NAA38: variants seen among roughly 807,000 people sequenced by gnomAD.
NAA38 encodes the protein N-alpha-acetyltransferase 38, NatC auxiliary subunit, also known as LSM domain containing 1.
A neutral mutation model predicts 12.6 loss-of-function variants in NAA38; 15 were observed. The observed-to-expected ratio is 1.19, with a 90% CI of 0.79 to 1.83. The LOEUF (loss-of-function observed/expected upper bound fraction) is 1.83, where lower values mean the gene tolerates loss of function less well. NAA38 is among the 40% of genes most tolerant of loss of function. The pLI is 0.00. For synonymous variants in NAA38, 88 were observed against 69.9 expected, an observed-to-expected ratio of 1.26 and a Z score of -1.29; for missense variants, 183 against 171.7, an observed-to-expected ratio of 1.07 and a Z score of -0.37.
At chr17:7,857,832 A>G (rs1052271115), upstream of NAA38, 2 of 1,352,102 alleles carry the variant, frequency 1.5e-6, no homozygotes, top group Admixed American at 6.2e-5. Context: ...ACTGAATTAA[A>G]ACGGAGCGTA....
chr17:7,865,156 A>C (rs1328228158), intron 3 of NAA38: 3 of 152,244 alleles, frequency 2.0e-5, no homozygotes, highest in Non-Finnish European at 4.4e-5. Flanking sequence ...GGAGATGCTC[A>C]CATGACTCAT....
chr17:7,859,583 T>C, upstream of NAA38: 2 of 1,614,140 alleles, frequency 1.2e-6, no homozygotes, highest in Non-Finnish European at 1.7e-6. Flanking sequence ...AATACTTCTG[T>C]ACTTCAATGA....
At chr17:7,879,482 A>C (rs1967232070) in intron 2 of NAA38, among the ~76,000 whole-genome samples, 1 of 152,004 alleles carries the variant, frequency 6.6e-6, no homozygotes, top group Non-Finnish European at 1.5e-5. Context: ...ACTTTCTACG[A>C]TCCTAAAAGG....
chr17:7,859,183 C>A, upstream of NAA38: 1 of 604,838 alleles, frequency 1.7e-6, no homozygotes, highest in East Asian at 2.7e-5. Flanking sequence ...TATGGCCATC[C>A]GGTAGTTAGA....
intron 2 of NAA38, among the ~76,000 whole-genome samples, chr17:7,867,161 C>G (rs2151389336): frequency 6.6e-6 from 1 of 152,036 alleles, no homozygotes; most frequent in South Asian, 2.1e-4. Context: ...GGAACTGTAG[C>G]ATGGTAAAGC....
chr17:7,883,418 C>T (rs1450312332), intron 1 of NAA38: 2 of 152,134 alleles, frequency 1.3e-5, no homozygotes, highest in East Asian at 3.9e-4. Flanking sequence ...TGTTGTTTAC[C>T]CCCCAAATTA....
In NAA38 at chr17:7,857,504, A is replaced by G. The variant is rs1567811746; in HGVS notation, c.-41T>C. On this transcript the variant is annotated 5_prime_UTR_variant, in exon 1 of 3. Transcript: ENST00000575771. Reference sequence around the variant, plus strand: ...CTCTGGGCCTTTCAACTTCCTAAGCACCTTTCAGGTTGGGTGGTCCGAGAT... The same window carrying G: ...CTCTGGGCCTTTCAACTTCCTAAGCGCCTTTCAGGTTGGGTGGTCCGAGAT... 2 of 1,483,758 alleles carry G rather than the reference A, an allele frequency of 1.3e-6. No homozygotes were observed. 91.9% of individuals were successfully genotyped at this position (1,483,758 alleles called of 1,614,324 possible).
rs2151383670 is a variant in NAA38, at chr17:7,857,033, C to T, written c.247G>A (p.Glu83Lys). The change falls in exon 2 of 3, where the codon GAG (glutamate) becomes AAG (lysine). Residue 83 changes from glutamate to lysine, a missense_variant. By Grantham distance (56) the Glu-to-Lys change is moderately conservative. Coordinates refer to ENST00000575771, the MANE Select transcript of NAA38 (RefSeq NM_001320925.4). ...CACTGACCCGACGGCTTGAGGAACT[C>T]CTGCGCCGAGCCCAGGATGACATTG... ...DCNVILGSAQ[E>K]FLKPSDSFSA... 6.2e-7 allele frequency: 1 copy of T among 1,611,116 alleles called. No individual in the cohort carries two copies.
At chr17:7,884,855 G>A in intron 1 of NAA38, 1 of 1,161,438 alleles carries the variant, frequency 8.6e-7, no homozygotes. Context: ...GGAGATGGTG[G>A]TGTCGGAGGA....
chr17:7,856,858 C>T lies in NAA38; in HGVS notation c.266-15G>A, dbSNP rs188181457. 4 of 1,612,742 alleles carry T rather than the reference C, an allele frequency of 2.5e-6. No individual in the cohort carries two copies. In the East Asian group the frequency reaches 8.9e-5, roughly 36 times the overall value. On this transcript the variant is annotated splice_polypyrimidine_tract_variant and intron_variant, in intron 2 of 2. Transcript: ENST00000575771. ...AGAGAAGGAATCTGGAAAGAAGGAT[C>T]AGAGCATCAGGAAAGTAGGCCAGAA...
chr17:7,885,307 C>CCCTCCCCCGCCGCCGCCG (rs1555603798), upstream of NAA38: 1 of 157,218 alleles, frequency 6.4e-6, no homozygotes, highest in Non-Finnish European at 1.2e-5. Flanking sequence ...GCACCCCTCC[C>CCCTCCCCCGCCGCCGCCG]CCGCCGCCGC....
chr17:7,884,387 CT>C (rs1205800778), intron 1 of NAA38, among the ~76,000 whole-genome samples: 1 of 148,640 alleles, frequency 6.7e-6, no homozygotes, highest in Non-Finnish European at 1.5e-5. Flanking sequence ...GAGCGCCCCC[CT>C]CAGAATTTAA....
In NAA38 at chr17:7,857,265, C is replaced by T. The variant is rs755733326; in HGVS notation, c.82-67G>A. On this transcript the variant is annotated intron_variant, in intron 1 of 2. Transcript: ENST00000575771. ...CTGCCCGCCCGCGGAACCACAGCTC[C>T]CGGCAGCCCGCGGGGCACTCACACA... The T allele has an allele frequency of 8.1e-6, 13 of 1,609,688 alleles. No individual in the cohort carries two copies. In the Admixed American group the frequency reaches 1.7e-4, roughly 21 times the overall value.
intron 3 of NAA38, chr17:7,865,625 C>T (rs757360384): frequency 6.6e-6 from 1 of 152,178 alleles, no homozygotes; most frequent in Non-Finnish European, 1.5e-5. Context: ...TATGACCTAG[C>T]CTCAATTCCA....
chr17:7,885,334 GC>G (rs1967701837), upstream of NAA38: 1 of 179,594 alleles, frequency 5.6e-6, no homozygotes, highest in East Asian at 1.9e-4. Flanking sequence ...CGCCGCCGCC[GC>G]CGCCGCCGCC....
rs774221249 is a variant in NAA38, at chr17:7,884,902, G to A, written c.-167+263C>T. The A allele has an allele frequency of 1.2e-4, 175 of 1,408,528 alleles. 2 individuals are homozygous for A. The South Asian group carries it at 2.4e-3, about 19-fold the overall frequency. The allele number at this position is 1,408,528 out of a possible 1,614,324, so 87.3% of individuals were successfully genotyped here. ...AGGAAGAAGAGGGCGACGAGGAGGAGGAGGAGGAGGTGGAGGCGGCCGACG... is the reference window on the plus strand; with the variant it reads ...AGGAAGAAGAGGGCGACGAGGAGGAAGAGGAGGAGGTGGAGGCGGCCGACG... On this transcript the variant is annotated intron_variant, in intron 1 of 4. Coordinates refer to the NAA38 transcript ENST00000576861.
At chr17:7,861,037 A>T (rs1041309965), upstream of NAA38, 1 of 152,160 alleles carries the variant, frequency 6.6e-6, no homozygotes, top group African/African-American at 2.4e-5. Flanking sequence ...GTAAACAGAG[A>T]TGCTAACTAA....
At chr17:7,873,158 G>T (rs1967115992) in intron 2 of NAA38, among the ~76,000 whole-genome samples, 1 of 152,174 alleles carries the variant, frequency 6.6e-6, no homozygotes, top group Non-Finnish European at 1.5e-5. Flanking sequence ...ACTCTGAGAA[G>T]TGGAAGCCGC....
chr17:7,860,625 G>C (rs2151386944), upstream of NAA38: 1 of 152,252 alleles, frequency 6.6e-6, no homozygotes, highest in South Asian at 2.1e-4. Flanking sequence ...AACATTTGTA[G>C]CCACTGCTCT....
Sources: gnomAD v4.1 joint callset for allele counts (sites outside exome capture counted in the v4.1 genomes callset) on GRCh38, gnomAD v4.1.1 for gene constraint, MANE v1.5 for transcripts, NCBI Gene and HGNC (gene_info 2026-07-23, HGNC 2026-07-21) for gene names.